The following STON1 variants were observed in gnomAD, a reference collection of about 807,000 sequenced individuals.
STON1 encodes stonin-1.
A neutral mutation model predicts 60.9 loss-of-function variants in STON1; 79 were observed. The ratio of observed to expected loss-of-function variants is 1.30; its 90% CI spans 1.08 to 1.56. The LOEUF (loss-of-function observed/expected upper bound fraction) is 1.56, where lower values mean the gene tolerates loss of function less well. Ranked by LOEUF, STON1 falls within the 40% of genes most tolerant of loss-of-function variation. STON1 has a pLI of 0.00. For missense variants in STON1, 1,166 were observed against 858.9 expected (o/e 1.36, Z -4.47); for synonymous variants, 363 against 306.9 (o/e 1.18, Z -1.91).
chr2:48,598,508 A>G lies in STON1; in HGVS notation c.*3206A>G, dbSNP rs528176757. 36 of 152,758 alleles carry G rather than the reference A, an allele frequency of 2.4e-4. 1 individual carries two copies. The highest frequency in any genetic ancestry group is 8.4e-4 in the African/African-American group (35 of 41,574). The allele number at this position is 152,758 out of a possible 1,614,324, so 9.5% of individuals were successfully genotyped here. ...TTTTCAAAAATTAAAAATGTATTTCAAACTATTCTTACTGTGCTGTGAATT... is the reference window on the plus strand; with the variant it reads ...TTTTCAAAAATTAAAAATGTATTTCGAACTATTCTTACTGTGCTGTGAATT... On this transcript the variant is annotated 3_prime_UTR_variant, in exon 4 of 4. Coordinates refer to ENST00000404752, the MANE Select transcript of STON1 (RefSeq NM_006873.4).
chr2:48,541,208 G>A (rs1157668222), intron 1 of STON1, among the ~76,000 whole-genome samples: 3 of 151,206 alleles, frequency 2.0e-5, no homozygotes, highest in Non-Finnish European at 2.9e-5. Flanking sequence ...AAAATTAGCT[G>A]GGCATGGTGT....
intron 1 of STON1, among the ~76,000 whole-genome samples, chr2:48,543,981 G>A (rs977389483): frequency 6.6e-6 from 1 of 152,136 alleles, no homozygotes; most frequent in African/African-American, 2.4e-5. Context: ...TCACCAAAGG[G>A]GTGGCTGGAG....
chr2:48,557,011 CG>C (rs1169543161), intron 1 of STON1, among the ~76,000 whole-genome samples: 71 of 87,454 alleles, frequency 8.1e-4, no homozygotes, highest in African/African-American at 1.9e-3. Flanking sequence ...CACGGCTGCC[CG>C]GGCGGGGGGG....
intron 1 of STON1, among the ~76,000 whole-genome samples, chr2:48,555,800 G>A (rs368495494): frequency 2.0e-3 from 1 of 502 alleles, no homozygotes. Flanking sequence ...CCTCCCGGAC[G>A]GGGCGGCTGG....
intron 1 of STON1, among the ~76,000 whole-genome samples, chr2:48,572,731 T>A (rs1673282441): frequency 6.6e-6 from 1 of 152,194 alleles, no homozygotes; most frequent in African/African-American, 2.4e-5. Flanking sequence ...CCAACTAAAG[T>A]AAATATTTTC....
At chr2:48,535,947 G>A (rs958691899) in intron 1 of STON1, among the ~76,000 whole-genome samples, 2 of 151,990 alleles carry the variant, frequency 1.3e-5, no homozygotes, top group African/African-American at 4.8e-5. Flanking sequence ...AATTAGCTGG[G>A]CATGGTGGTG....
At chr2:48,548,670 T>G (rs1241935207) in intron 1 of STON1, among the ~76,000 whole-genome samples, 1 of 152,082 alleles carries the variant, frequency 6.6e-6, no homozygotes, top group Non-Finnish European at 1.5e-5. Context: ...GCCTAATTTT[T>G]GCATTTTTAG....
intron 1 of STON1, among the ~76,000 whole-genome samples, chr2:48,540,007 A>G (rs1671592539): frequency 6.6e-6 from 1 of 152,056 alleles, no homozygotes; most frequent in African/African-American, 2.4e-5. Flanking sequence ...CCCTCACTGC[A>G]TGTATGGTCA....
chr2:48,546,251 A>G (rs1328749253), intron 1 of STON1, among the ~76,000 whole-genome samples: 1 of 152,190 alleles, frequency 6.6e-6, no homozygotes, highest in Non-Finnish European at 1.5e-5. Flanking sequence ...CTATCGTGAG[A>G]CAGAATGGCT....
intron 1 of STON1, among the ~76,000 whole-genome samples, chr2:48,564,103 A>T (rs1672725098): frequency 6.6e-6 from 1 of 152,116 alleles, no homozygotes; most frequent in African/African-American, 2.4e-5. Flanking sequence ...GCCCTTTCTG[A>T]TAAGGATTTC....
chr2:48,576,915 G>A (rs1347531551), intron 1 of STON1, among the ~76,000 whole-genome samples: 7 of 151,994 alleles, frequency 4.6e-5, no homozygotes, highest in Admixed American at 1.3e-4. Context: ...TTAGCCGGGC[G>A]CGGTGGCGGG....
intron 1 of STON1, among the ~76,000 whole-genome samples, chr2:48,575,416 G>A (rs1673425691): frequency 6.6e-6 from 1 of 152,082 alleles, no homozygotes; most frequent in Non-Finnish European, 1.5e-5. Flanking sequence ...CACTTTGGGA[G>A]GCCGAGGAGG....
chr2:48,577,378 T>G (rs1409718208), intron 1 of STON1, among the ~76,000 whole-genome samples: 1 of 151,844 alleles, frequency 6.6e-6, no homozygotes, highest in Non-Finnish European at 1.5e-5. Flanking sequence ...GTCGGGAGTT[T>G]GAGACCAGCC....
At chr2:48,530,438 C>A in intron 1 of STON1, 1 of 205,066 alleles carries the variant, frequency 4.9e-6, no homozygotes, top group Admixed American at 5.7e-5. Flanking sequence ...TCCTCGGCTC[C>A]CCTCTGTTCT....
rs757573907 is a variant in STON1 at position 48,582,397 on chromosome 2, G to T, written c.1764G>T (p.Gln588His). 3.7e-6 allele frequency: 6 copies of T among 1,614,060 alleles called. No homozygotes were observed. The highest frequency in any genetic ancestry group is 5.1e-6 in the Non-Finnish European group (6 of 1,180,042). The change falls in exon 2 of 4, where the codon CAG becomes CAT. Residue 588 changes from glutamine (Q) to histidine (H), a missense_variant. By Grantham distance (24) the Gln-to-His change is conservative (BLOSUM62 0). Coordinates refer to ENST00000404752, the MANE Select transcript of STON1 (RefSeq NM_006873.4). ...AGGCCCTTTGGACCATGAACCTCCAGAGGCAGAAGTCTCTGAAAGCTAAAA... is the reference window on the plus strand; with the variant it reads ...AGGCCCTTTGGACCATGAACCTCCATAGGCAGAAGTCTCTGAAAGCTAAAA... ...WIKALWTMNL[Q>H]RQKSLKAKMN...
intron 2 of STON1, among the ~76,000 whole-genome samples, chr2:48,588,267 A>T (rs749986178): frequency 6.6e-6 from 1 of 152,234 alleles, no homozygotes; most frequent in Non-Finnish European, 1.5e-5. Context: ...TGACTTTTAG[A>T]TCAGTTGTGT....
chr2:48,555,256 G>T (rs1206846357), intron 1 of STON1, among the ~76,000 whole-genome samples: 1 of 108,670 alleles, frequency 9.2e-6, no homozygotes, highest in Non-Finnish European at 2.0e-5. Flanking sequence ...CCTCCCAGAC[G>T]GGGAGGTGGC....
intron 1 of STON1, among the ~76,000 whole-genome samples, chr2:48,576,185 CTTTTTT>C (rs34849002): frequency 2.6e-3 from 167 of 63,080 alleles, no homozygotes; most frequent in Non-Finnish European, 3.8e-3. Flanking sequence ...GTTTTCCTTT[CTTTTTT>C]TTTTTTTTTT....
rs752908449 is a variant in STON1, at chr2:48,582,443, G to A, written c.1810G>A (p.Gly604Arg). Residue 604 changes from glycine to arginine, a missense_variant, in exon 2 of 4, where the codon GGG (glycine) becomes AGG (arginine). Physicochemically the swap from Gly to Arg is moderately radical, Grantham distance 125. Coordinates refer to ENST00000404752, the MANE Select transcript of STON1 (RefSeq NM_006873.4). Reference sequence around the variant, plus strand: ...TAAAATGAACCGCCGAGCATGTCTGGGGAGTTTACAGGAACTTGAATCTGA... The same window carrying A: ...TAAAATGAACCGCCGAGCATGTCTGAGGAGTTTACAGGAACTTGAATCTGA... The part of the protein sequence containing the change: ...KAKMNRRACL[G>R]SLQELESEPV... 3.1e-6 allele frequency: 5 copies of A among 1,614,176 alleles called. No individual in the cohort carries two copies. The highest frequency in any genetic ancestry group is 1.7e-5 in the Admixed American group (1 of 60,024).
Sources: allele counts gnomAD v4.1 joint callset (sites outside exome capture counted in the v4.1 genomes callset), GRCh38; gene constraint gnomAD v4.1.1; transcripts MANE v1.5; gene names NCBI Gene and HGNC (gene_info 2026-07-23, HGNC 2026-07-21).